Variants in NRXN3 observed in about 807,000 individuals in gnomAD.
The protein encoded by NRXN3 is neurexin III.
A neutral mutation model predicts 137.6 loss-of-function variants in NRXN3; 32 were observed. That is an observed-to-expected ratio of 0.23 (90% CI 0.18 to 0.31). NRXN3 has a LOEUF of 0.31. NRXN3 is among the 10% of genes least tolerant of loss of function. The pLI is 1.00. For missense variants in NRXN3, 1,574 were observed against 2,062.5 expected (o/e 0.76, Z 4.59); for synonymous variants, 798 against 784.5 (o/e 1.02, Z -0.29).
intron 2 of NRXN3, among the ~76,000 whole-genome samples, chr14:78,258,993 G>T (rs8181919): frequency 1.3e-5 from 2 of 151,808 alleles, no homozygotes; most frequent in African/African-American, 4.8e-5. Context: ...TTAGCTGGGC[G>T]TGGTGGCGGG....
chr14:78,964,172 G>A (rs1304042013), intron 11 of NRXN3, among the ~76,000 whole-genome samples: 4 of 152,152 alleles, frequency 2.6e-5, no homozygotes, highest in Non-Finnish European at 5.9e-5. Flanking sequence ...AAGTTTAAGA[G>A]ACCTAAGAAA....
chr14:79,805,982 T>C (rs1253972512), intron 20 of NRXN3, among the ~76,000 whole-genome samples: 1 of 152,184 alleles, frequency 6.6e-6, no homozygotes, highest in Non-Finnish European at 1.5e-5. Context: ...AGCAGGCAAT[T>C]GCAGTCCCTG....
At chr14:79,789,589 C>G (rs761425363) in intron 19 of NRXN3, among the ~76,000 whole-genome samples, 5 of 152,102 alleles carry the variant, frequency 3.3e-5, no homozygotes, top group Admixed American at 6.6e-5. Flanking sequence ...TCATGCCTCC[C>G]CTTTTTAGAC....
At chr14:79,159,755 G>A (rs1213558288) in intron 15 of NRXN3, among the ~76,000 whole-genome samples, 1 of 151,606 alleles carries the variant, frequency 6.6e-6, no homozygotes, top group Non-Finnish European at 1.5e-5. Flanking sequence ...AATTTGTATT[G>A]CTCTGATAGG....
At chr14:78,283,862 C>T (rs2074783838) in intron 3 of NRXN3, among the ~76,000 whole-genome samples, 1 of 152,184 alleles carries the variant, frequency 6.6e-6, no homozygotes, top group Non-Finnish European at 1.5e-5. Flanking sequence ...TGTGATAGAG[C>T]CTCACAGCCT....
chr14:78,320,410 G>T (rs2079186723), intron 4 of NRXN3, among the ~76,000 whole-genome samples: 1 of 152,180 alleles, frequency 6.6e-6, no homozygotes. Context: ...TTGAACAGGA[G>T]CCTCTGGGTC....
At chr14:78,486,545 A>G (rs1445823941) in intron 4 of NRXN3, among the ~76,000 whole-genome samples, 2 of 151,962 alleles carry the variant, frequency 1.3e-5, no homozygotes, top group African/African-American at 4.8e-5. Flanking sequence ...TGATTTGTTA[A>G]CCCTTGCGAT....
At chr14:78,599,510 G>C (rs1439694059) in intron 4 of NRXN3, among the ~76,000 whole-genome samples, 1 of 152,192 alleles carries the variant, frequency 6.6e-6, no homozygotes, top group Non-Finnish European at 1.5e-5. Flanking sequence ...TACATAGATA[G>C]TTCTACAAAA....
intron 16 of NRXN3, among the ~76,000 whole-genome samples, chr14:79,617,380 G>A (rs1418955963): frequency 1.3e-5 from 2 of 150,922 alleles, no homozygotes; most frequent in African/African-American, 4.8e-5. Context: ...ATATGCAGTA[G>A]GATCAATTTC....
chr14:78,792,398 T>C (rs1448415248), intron 8 of NRXN3, among the ~76,000 whole-genome samples: 2 of 151,156 alleles, frequency 1.3e-5, no homozygotes, highest in Non-Finnish European at 1.5e-5. Flanking sequence ...GCTGAAGATA[T>C]CGCAGTTAAT....
chr14:79,509,299 G>A (rs2096909319), intron 16 of NRXN3, among the ~76,000 whole-genome samples: 1 of 152,146 alleles, frequency 6.6e-6, no homozygotes, highest in African/African-American at 2.4e-5. Context: ...TTGAGATCAG[G>A]AGTTTGAGAC....
At chr14:78,781,470 A>G (rs2098769267) in intron 8 of NRXN3, among the ~76,000 whole-genome samples, 1 of 152,202 alleles carries the variant, frequency 6.6e-6, no homozygotes, top group Admixed American at 6.5e-5. Flanking sequence ...AAGTACTTCA[A>G]AATTAAATAA....
At chr14:78,514,403 TAAATATG>T in intron 4 of NRXN3, among the ~76,000 whole-genome samples, 1 of 152,188 alleles carries the variant, frequency 6.6e-6, no homozygotes, top group Admixed American at 6.5e-5. Context: ...ATCAGAGGCA[TAAATATG>T]CAAGGAGTCT....
At chr14:79,108,681 A>T (rs2052914207) in intron 15 of NRXN3, among the ~76,000 whole-genome samples, 1 of 152,134 alleles carries the variant, frequency 6.6e-6, no homozygotes, top group African/African-American at 2.4e-5. Flanking sequence ...ATGGAATAAA[A>T]TTTTTCCTAA....
chr14:79,547,802 C>T (rs186113541), intron 16 of NRXN3, among the ~76,000 whole-genome samples: 1 of 152,320 alleles, frequency 6.6e-6, no homozygotes. Flanking sequence ...ATGTATTCAA[C>T]ACATGCCTTC....
chr14:79,867,705 T>A lies in NRXN3; in HGVS notation c.*5741T>A. ...AATTGCAAAGGTTGAAGTTCCAAAG[T>A]ATCAAGGGAATCAGAATTGGGAAGC... On this transcript the variant is annotated 3_prime_UTR_variant, in exon 21 of 21. Coordinates refer to ENST00000335750, the MANE Select transcript of NRXN3 (RefSeq NM_001330195.2). 1 of 152,100 alleles carries A rather than the reference T, an allele frequency of 6.6e-6. No individual in the cohort carries two copies. The highest frequency in any genetic ancestry group is 1.5e-5 in the Non-Finnish European group (1 of 68,036). 9.4% of individuals were successfully genotyped at this position (152,100 alleles called of 1,614,324 possible). A position where few individuals can be genotyped will look rare whatever the true frequency, so the allele number is the denominator to read the frequency against.
At chr14:78,393,767 A>G (rs140004115) in intron 4 of NRXN3, among the ~76,000 whole-genome samples, 40 of 152,116 alleles carry the variant, frequency 2.6e-4, no homozygotes, top group African/African-American at 9.1e-4. Context: ...TTAATTTATT[A>G]AGACCTTCTT....
At chr14:79,661,209 T>C (rs750254852) in intron 16 of NRXN3, among the ~76,000 whole-genome samples, 11 of 152,088 alleles carry the variant, frequency 7.2e-5, no homozygotes, top group Non-Finnish European at 1.3e-4. Flanking sequence ...ATTTACGAAA[T>C]CATGAGTGTG....
intron 15 of NRXN3, among the ~76,000 whole-genome samples, chr14:79,117,244 C>T (rs2054598497): frequency 2.0e-5 from 3 of 152,184 alleles, no homozygotes; most frequent in Admixed American, 1.3e-4. Flanking sequence ...CACTATTTCA[C>T]ACATTTCATA....
Sources: allele counts gnomAD v4.1 joint callset (sites outside exome capture counted in the v4.1 genomes callset), GRCh38; gene constraint gnomAD v4.1.1; transcripts MANE v1.5; gene names NCBI Gene and HGNC (gene_info 2026-07-23, HGNC 2026-07-21).